Variants in LEPR observed in about 807,000 individuals in gnomAD.
LEPR encodes the protein OB receptor.
LEPR carries 56 observed loss-of-function variants against 114.7 expected under a neutral mutation model. That is an observed-to-expected ratio of 0.49 (90% CI 0.39 to 0.61). The LOEUF is 0.61. Among genes scored for constraint, LEPR ranks in the 20% least tolerant of loss-of-function variants. LEPR has a pLI of 0.00. For missense variants in LEPR, 1,202 were observed against 1,352.9 expected (o/e 0.89, Z 1.75); for synonymous variants, 443 against 461.4 (o/e 0.96, Z 0.51).
At chr1:65,462,361 T>C (rs188430676) in intron 2 of LEPR, among the ~76,000 whole-genome samples, 2 of 152,324 alleles carry the variant, frequency 1.3e-5, no homozygotes, top group Admixed American at 1.3e-4. Context: ...TATTCTATGA[T>C]GTGTATATGT....
chr1:65,441,754 C>G (rs1646652407), intron 2 of LEPR, among the ~76,000 whole-genome samples: 1 of 152,184 alleles, frequency 6.6e-6, no homozygotes, highest in African/African-American at 2.4e-5. Flanking sequence ...ATCCTGGCCA[C>G]TGAAGGGCTG....
intron 2 of LEPR, among the ~76,000 whole-genome samples, chr1:65,540,129 G>A (rs955524880): frequency 6.6e-6 from 1 of 152,156 alleles, no homozygotes; most frequent in Non-Finnish European, 1.5e-5. Context: ...GATATTACAT[G>A]TGCAGACCAA....
At chr1:65,499,330 G>A (rs1243986808) in intron 2 of LEPR, among the ~76,000 whole-genome samples, 1 of 152,062 alleles carries the variant, frequency 6.6e-6, no homozygotes, top group African/African-American at 2.4e-5. Flanking sequence ...TTAAGGGTGT[G>A]TGGGGTGGGT....
chr1:65,598,185 C>T (rs935561134), intron 7 of LEPR, among the ~76,000 whole-genome samples: 1 of 146,450 alleles, frequency 6.8e-6, no homozygotes, highest in Non-Finnish European at 1.5e-5. Flanking sequence ...CTACCCACTT[C>T]GGTCTCCCAA....
At chr1:65,546,108 A>C (rs957398976) in intron 2 of LEPR, among the ~76,000 whole-genome samples, 2 of 152,160 alleles carry the variant, frequency 1.3e-5, no homozygotes, top group Non-Finnish European at 2.9e-5. Flanking sequence ...GTCAAAGATC[A>C]GATAGTTGTA....
intron 19 of LEPR, 132 bp from the exon 20 acceptor site, chr1:65,636,059 A>G (rs1658708817): frequency 6.7e-6 from 7 of 1,041,312 alleles, no homozygotes; most frequent in Middle Eastern, 2.9e-4. Flanking sequence ...TATTTTAGTC[A>G]AAAACTAGTT....
At chr1:65,628,685 T>C (rs528449593) in intron 19 of LEPR, among the ~76,000 whole-genome samples, 1 of 152,302 alleles carries the variant, frequency 6.6e-6, no homozygotes, top group South Asian at 2.1e-4. Flanking sequence ...AATTCATTTA[T>C]TCCTCTACTG....
chr1:65,478,425 G>A (rs1032088526), intron 2 of LEPR, among the ~76,000 whole-genome samples: 1 of 152,190 alleles, frequency 6.6e-6, no homozygotes, highest in Non-Finnish European at 1.5e-5. Context: ...TCTTTTGAAG[G>A]CTTTTAGAGC....
At chr1:65,602,073 G>A (rs771428881) in intron 10 of LEPR, 113 bp downstream of exon 10, 5 of 965,964 alleles carry the variant, frequency 5.2e-6, no homozygotes, top group Non-Finnish European at 6.7e-6. Context: ...AAAGAGGAAA[G>A]TATAATATAA....
At chr1:65,439,002 T>C (rs1287739278) in intron 2 of LEPR, among the ~76,000 whole-genome samples, 2 of 152,236 alleles carry the variant, frequency 1.3e-5, no homozygotes, top group African/African-American at 4.8e-5. Context: ...AGAGATATTT[T>C]AACCAGGTTA....
intron 2 of LEPR, among the ~76,000 whole-genome samples, chr1:65,437,561 C>A (rs1233883183): frequency 6.6e-6 from 1 of 151,866 alleles, no homozygotes; most frequent in Middle Eastern, 3.2e-3. Context: ...GCAGGAGAAT[C>A]CTGAACCCGA....
chr1:65,492,617 T>G (rs762419707), intron 2 of LEPR, among the ~76,000 whole-genome samples: 1 of 152,056 alleles, frequency 6.6e-6, no homozygotes, highest in Non-Finnish European at 1.5e-5. Context: ...GCCTGAGATA[T>G]CCTAATAGTG....
chr1:65,598,095 CTTTTTTTTTT>C lies in LEPR; in HGVS notation c.850-554_850-545del, dbSNP rs1226626771. Among the ~76,000 whole-genome samples the C allele has an allele frequency of 6.1e-4, 62 of 101,484 alleles. 1 individual carries two copies. Among genetic ancestry groups the C allele is most frequent in the African/African-American group, 2.7e-3 (61 of 22,652 alleles). The allele number at this position is 101,484 out of a possible 152,430, so 66.6% of individuals were successfully genotyped here. The stretch of plus-strand genomic sequence containing the variant: ...CTAGGCTCAAGTGATCCTCCTGCCT[CTTTTTTTTTT>C]TTTTTTTTTTAAGAGATGAGGTATC... On this transcript the variant is annotated intron_variant, in intron 7 of 19. Coordinates refer to ENST00000349533, the MANE Select transcript of LEPR (RefSeq NM_002303.6).
chr1:65,509,813 T>C (rs1482266204), intron 2 of LEPR, among the ~76,000 whole-genome samples: 2 of 152,210 alleles, frequency 1.3e-5, no homozygotes, highest in Non-Finnish European at 2.9e-5. Context: ...AGCAATCTTT[T>C]CCAATTCATT....
intron 2 of LEPR, among the ~76,000 whole-genome samples, chr1:65,460,388 A>C (rs1260299731): frequency 6.6e-6 from 1 of 151,826 alleles, no homozygotes; most frequent in Non-Finnish European, 1.5e-5. Context: ...GCTGAGGTAC[A>C]TGTTACAGTG....
At position 65,570,448 on chromosome 1, in the gene LEPR, A is replaced by G. The variant is rs146287640; in HGVS notation, c.41-25A>G. The G allele has an allele frequency of 2.8e-5, 45 of 1,604,682 alleles. 1 individual carries two copies. The highest frequency in any genetic ancestry group is 3.5e-5 in the Non-Finnish European group (41 of 1,174,018). ...TTAGTCAAAATGATTACTTTTTTCT[A>G]TGTGTCTTTTTAATATCCTAACAGA... On this transcript the variant is annotated intron_variant, in intron 3 of 19. Transcript: ENST00000349533.
intron 2 of LEPR, among the ~76,000 whole-genome samples, chr1:65,537,624 A>G (rs1650870762): frequency 6.6e-6 from 1 of 152,090 alleles, no homozygotes; most frequent in African/African-American, 2.4e-5. Flanking sequence ...TCCATTAACT[A>G]CAGACAGTTT....
At chr1:65,471,012 G>C (rs1489534078) in intron 2 of LEPR, among the ~76,000 whole-genome samples, 2 of 152,208 alleles carry the variant, frequency 1.3e-5, no homozygotes, top group African/African-American at 4.8e-5. Flanking sequence ...CCCTGGAAGA[G>C]CTCCAGAAGT....
chr1:65,555,026 C>T (rs1468003560), intron 2 of LEPR, among the ~76,000 whole-genome samples: 5 of 152,064 alleles, frequency 3.3e-5, no homozygotes, highest in African/African-American at 4.8e-5. Flanking sequence ...TTCAGCTCAC[C>T]CTCCGTGGGC....
Sources: allele counts gnomAD v4.1 joint callset (sites outside exome capture counted in the v4.1 genomes callset), GRCh38; gene constraint gnomAD v4.1.1; transcripts MANE v1.5; gene names NCBI Gene and HGNC (gene_info 2026-07-23, HGNC 2026-07-21).